The following GNPAT variants were observed in gnomAD, a reference collection of about 807,000 sequenced individuals.
GNPAT encodes the protein dihydroxyacetone phosphate acyltransferase.
Under a neutral mutation model 78.4 loss-of-function variants are expected in GNPAT, and 30 were observed. That is an observed-to-expected ratio of 0.38 (90% CI 0.29 to 0.52). The LOEUF (loss-of-function observed/expected upper bound fraction) is 0.52, where lower values mean the gene tolerates loss of function less well. Among genes scored for constraint, GNPAT ranks in the 20% least tolerant of loss-of-function variants. GNPAT has a pLI of 0.84. For synonymous variants in GNPAT, 271 were observed against 281.1 expected (o/e 0.96, Z 0.36); for missense variants, 714 against 812.2 (o/e 0.88, Z 1.47).
intron 15 of GNPAT, among the ~76,000 whole-genome samples, chr1:231,276,898 G>A (rs1469627223): frequency 6.6e-6 from 1 of 152,200 alleles, no homozygotes; most frequent in African/African-American, 2.4e-5. Context: ...CGTCTTCCAA[G>A]TACTGTTTTT....
chr1:231,268,548 G>T (rs1685456683), intron 9 of GNPAT, among the ~76,000 whole-genome samples: 1 of 150,144 alleles, frequency 6.7e-6, no homozygotes. Context: ...GCTGAGGTGG[G>T]AGGATCACTT....
rs148209334 is a variant in GNPAT, at chr1:231,251,047, C to T, written c.165C>T (p.Tyr55=). 4.2e-4 allele frequency: 668 copies of T among 1,595,258 alleles called. 1 individual carries two copies. The highest frequency in any genetic ancestry group is 5.6e-4 in the Non-Finnish European group (648 of 1,162,944). The change falls in exon 2 of 16, where the codon TAC becomes TAT. Residue 55 remains tyrosine (Y), a synonymous_variant. Transcript: ENST00000366647. ...VSDLKFAMKC[Y]TPLVYKGITP... is the part of the protein sequence containing the mutation. ...ACTTGAAATTTGCAATGAAATGCTA[C>T]ACACCTCTTGTCTATAAGGGAATTA...
rs1194823491 is a variant in GNPAT, at chr1:231,258,797, AT to A, written c.262-1698del. On this transcript the variant is annotated intron_variant, in intron 2 of 15. Coordinates refer to ENST00000366647, the MANE Select transcript of GNPAT (RefSeq NM_014236.4). The stretch of plus-strand genomic sequence containing the variant: ...AGTCACCCACCACCACACCCAGCTA[AT>A]TTTTTTTTTTTCTATTCTTTAGTAG... Among the ~76,000 whole-genome samples, 105 of 143,900 alleles carry A rather than the reference AT, an allele frequency of 7.3e-4. 1 individual carries two copies. Among genetic ancestry groups the A allele is most frequent in the Admixed American group, 1.2e-3 (17 of 14,450 alleles). The allele number at this position is 143,900 out of a possible 152,430, so 94.4% of individuals were successfully genotyped here.
At chr1:231,244,055 C>A (rs889632571) in intron 1 of GNPAT, among the ~76,000 whole-genome samples, 1 of 152,018 alleles carries the variant, frequency 6.6e-6, no homozygotes, top group African/African-American at 2.4e-5. Context: ...ATTACAGTTG[C>A]CTGCCACCAC....
chr1:231,263,279 A>G (rs1201936395), intron 4 of GNPAT, among the ~76,000 whole-genome samples: 4 of 152,196 alleles, frequency 2.6e-5, no homozygotes, highest in African/African-American at 4.8e-5. Flanking sequence ...GTACATTTAC[A>G]TTGTTGTGCT....
rs762097509 is a variant in GNPAT, at chr1:231,251,112, A to G, written c.230A>G (p.Asn77Ser). 46 of 1,591,840 alleles carry G rather than the reference A, an allele frequency of 2.9e-5. No individual in the cohort carries two copies. Among genetic ancestry groups the G allele is most frequent in the Non-Finnish European group, 3.7e-5 (43 of 1,161,676 alleles). The change falls in exon 2 of 16, where the codon AAT (asparagine) becomes AGT (serine). Residue 77 changes from asparagine to serine, a missense_variant. By Grantham distance (46) the Asn-to-Ser change is conservative. Coordinates refer to ENST00000366647, the MANE Select transcript of GNPAT (RefSeq NM_014236.4). ...ATTGATATTAAATGTAGTGTTCTCA[A>G]TTCTGAGGAGATTCATTATGTCATT... ...KPIDIKCSVL[N>S]SEEIHYVIKQ...
chr1:231,249,372 A>C (rs183594500), intron 1 of GNPAT, among the ~76,000 whole-genome samples: 1 of 152,168 alleles, frequency 6.6e-6, no homozygotes, highest in Non-Finnish European at 1.5e-5. Flanking sequence ...CATAAATGCT[A>C]TTTGCTGCCA....
intron 12 of GNPAT, 138 bp downstream of exon 12, chr1:231,274,200 C>A (rs41271507): frequency 3.7e-6 from 3 of 811,514 alleles, no homozygotes; most frequent in Non-Finnish European, 6.4e-6. Context: ...GTGACTAATA[C>A]GATCAGTGAT....
chr1:231,263,561 C>G (rs1205423432), intron 4 of GNPAT, among the ~76,000 whole-genome samples: 1 of 152,168 alleles, frequency 6.6e-6, no homozygotes, highest in Admixed American at 6.6e-5. Context: ...GTTGGAAATG[C>G]ATCTGCTCAA....
At chr1:231,276,006 A>T (rs1444860131) in intron 14 of GNPAT, 129 bp from the exon 15 acceptor site, 1 of 632,182 alleles carries the variant, frequency 1.6e-6, no homozygotes, top group Admixed American at 2.7e-5. Flanking sequence ...AGGCCTTTCG[A>T]CTACTTAGGC....
chr1:231,266,067 T>C lies in GNPAT; in HGVS notation c.826T>C (p.Tyr276His). 6.2e-7 allele frequency: 1 copy of C among 1,610,316 alleles called. No individual in the cohort carries two copies. Among genetic ancestry groups the C allele is most frequent in the African/African-American group, 1.3e-5 (1 of 75,000 alleles). Reference sequence around the variant, plus strand: ...TTTTAAAAGAGAAGTTTTTGATACCTACCTTGTCCCAATTAGTATCAGTTA... The same window carrying C: ...TTTTAAAAGAGAAGTTTTTGATACCCACCTTGTCCCAATTAGTATCAGTTA... ...PFFKREVFDTYLVPISISYDK... is the reference protein window; with the variant it reads ...PFFKREVFDTHLVPISISYDK... Residue 276 changes from tyrosine (Y) to histidine (H), a missense_variant, in exon 7 of 16, where the codon TAC (tyrosine) becomes CAC (histidine). By Grantham distance (83) the Tyr-to-His change is moderately conservative (BLOSUM62 2). Transcript: ENST00000366647.
intron 4 of GNPAT, 21 bp from the exon 5 acceptor site, chr1:231,265,272 A>G (rs377434454): frequency 6.4e-7 from 1 of 1,566,916 alleles, no homozygotes; most frequent in Non-Finnish European, 8.8e-7. Context: ...CTGCAAATAA[A>G]TATTATCCCC....
At chr1:231,257,468 G>A (rs183371847) in intron 2 of GNPAT, among the ~76,000 whole-genome samples, 4 of 152,148 alleles carry the variant, frequency 2.6e-5, no homozygotes, top group African/African-American at 7.2e-5. Context: ...GTCTTTTGCT[G>A]TGTCTTTTAT....
At chr1:231,247,397 C>G (rs937812909) in intron 1 of GNPAT, among the ~76,000 whole-genome samples, 2 of 152,124 alleles carry the variant, frequency 1.3e-5, no homozygotes, top group African/African-American at 2.4e-5. Flanking sequence ...GTAAGGGAGG[C>G]ACCAAATACG....
chr1:231,243,165 TAAAC>T (rs758950859), intron 1 of GNPAT, among the ~76,000 whole-genome samples: 11 of 152,316 alleles, frequency 7.2e-5, no homozygotes, highest in South Asian at 2.1e-4. Context: ...GTCATAAAAG[TAAAC>T]AAACAATCAC....
intron 2 of GNPAT, among the ~76,000 whole-genome samples, chr1:231,255,582 C>A (rs1685030569): frequency 6.6e-6 from 1 of 152,126 alleles, no homozygotes; most frequent in Non-Finnish European, 1.5e-5. Context: ...TGCCACCATG[C>A]CCAGCTTTTT....
At chr1:231,275,826 AATAC>A (rs992631150) in intron 14 of GNPAT, among the ~76,000 whole-genome samples, 3 of 152,228 alleles carry the variant, frequency 2.0e-5, no homozygotes, top group African/African-American at 7.2e-5. Flanking sequence ...ATACACACAT[AATAC>A]ATATATAGAT....
intron 1 of GNPAT, among the ~76,000 whole-genome samples, chr1:231,247,067 G>A (rs573273790): frequency 1.3e-5 from 2 of 152,236 alleles, no homozygotes; most frequent in East Asian, 3.9e-4. Context: ...CGCTCGGCAG[G>A]CTGAGGCAGA....
rs780763661 is a variant in GNPAT at position 231,277,737 on chromosome 1, C to T, written c.*195C>T. On this transcript the variant is annotated 3_prime_UTR_variant, in exon 16 of 16. Transcript: ENST00000366647. ...CTTCCCCACCACAGTGGTTAAAAGG[C>T]GTTTGTATCTGACACTATGTGTGTG... is the stretch of plus-strand genomic sequence containing the variant. 1.6e-5 allele frequency: 9 copies of T among 579,680 alleles called. No homozygotes were observed. The highest frequency in any genetic ancestry group is 2.8e-5 in the Non-Finnish European group (9 of 322,370). The allele number at this position is 579,680 out of a possible 1,614,324, so 35.9% of individuals were successfully genotyped here.
Sources: allele counts gnomAD v4.1 joint callset (sites outside exome capture counted in the v4.1 genomes callset), GRCh38; gene constraint gnomAD v4.1.1; transcripts MANE v1.5; gene names NCBI Gene and HGNC (gene_info 2026-07-23, HGNC 2026-07-21).